Variants in CACNA2D3 observed in about 807,000 individuals in gnomAD.
CACNA2D3 encodes calcium voltage-gated channel auxiliary subunit alpha2delta 3.
In CACNA2D3, 60 loss-of-function variants were observed where a neutral mutation model predicts 160.6. That is an observed-to-expected ratio of 0.37 (90% CI 0.30 to 0.46). The LOEUF (loss-of-function observed/expected upper bound fraction) is 0.46, where lower values mean the gene tolerates loss of function less well. Among genes scored for constraint, CACNA2D3 ranks in the 20% least tolerant of loss-of-function variants. The probability of loss-of-function intolerance (pLI) is 1.00; values close to 1 mark genes in which losing one functional copy is unlikely to be tolerated. For missense variants in CACNA2D3, 1,205 were observed against 1,365.0 expected (o/e 0.88, Z 1.85); for synonymous variants, 558 against 492.9 (o/e 1.13, Z -1.75).
At chr3:54,966,482 A>G (rs1176482926) in intron 27 of CACNA2D3, among the ~76,000 whole-genome samples, 1 of 152,178 alleles carries the variant, frequency 6.6e-6, no homozygotes, top group Non-Finnish European at 1.5e-5. Context: ...TACTAAAGCC[A>G]TCCCCCACCT....
chr3:54,676,312 A>T (rs183766887), intron 11 of CACNA2D3, among the ~76,000 whole-genome samples: 2 of 152,250 alleles, frequency 1.3e-5, no homozygotes, highest in East Asian at 3.9e-4. Flanking sequence ...AACAGAGATG[A>T]TTGAAAGAAT....
At position 55,059,332 on chromosome 3, in the gene CACNA2D3, G is replaced by T. The variant is rs116095290; in HGVS notation, c.2988-14113G>T. On this transcript the variant is annotated intron_variant, in intron 35 of 37. Transcript: ENST00000474759. ...TGTAGGGACAGATTCTCTTTTCTCT[G>T]TTTACCAGAGAATCATTACATTACT... Among the ~76,000 whole-genome samples, 661 of 152,320 alleles carry T rather than the reference G, an allele frequency of 4.3e-3. 5 individuals are homozygous for T. The highest frequency in any genetic ancestry group is 0.014 in the African/African-American group (587 of 41,570).
chr3:55,062,280 C>CT (rs10693110), intron 35 of CACNA2D3, among the ~76,000 whole-genome samples: 44,472 of 139,800 alleles, frequency 0.32, 7,036 homozygotes, highest in African/African-American at 0.37. Flanking sequence ...TCATATCTGT[C>CT]TTTTTTTTTT....
chr3:54,218,032 G>A (rs1341456309), intron 2 of CACNA2D3, among the ~76,000 whole-genome samples: 1 of 152,016 alleles, frequency 6.6e-6, no homozygotes, highest in Non-Finnish European at 1.5e-5. Flanking sequence ...AGAGAGGTGT[G>A]TTAGAGAAAG....
intron 6 of CACNA2D3, among the ~76,000 whole-genome samples, chr3:54,563,518 C>T (rs529684559): frequency 6.6e-6 from 1 of 152,162 alleles, no homozygotes; most frequent in East Asian, 1.9e-4. Flanking sequence ...GTCCATCATG[C>T]CTTTGGAACA....
chr3:54,596,307 G>A (rs1284903823), intron 9 of CACNA2D3, among the ~76,000 whole-genome samples: 1 of 151,924 alleles, frequency 6.6e-6, no homozygotes, highest in East Asian at 1.9e-4. Flanking sequence ...GTTCCATTCC[G>A]CTGGTCCTGA....
chr3:54,167,156 A>G (rs976372201), intron 2 of CACNA2D3, among the ~76,000 whole-genome samples: 4 of 152,050 alleles, frequency 2.6e-5, no homozygotes, highest in Non-Finnish European at 5.9e-5. Context: ...TTATTGAGTT[A>G]TTGAGTTATT....
chr3:54,461,855 T>C (rs1575468496), intron 4 of CACNA2D3, among the ~76,000 whole-genome samples: 2 of 152,338 alleles, frequency 1.3e-5, no homozygotes, highest in East Asian at 3.9e-4. Flanking sequence ...TCTAGTTCTT[T>C]TAATTGTGAT....
At chr3:54,889,376 C>T (rs1008354695) in intron 24 of CACNA2D3, among the ~76,000 whole-genome samples, 16 of 152,144 alleles carry the variant, frequency 1.1e-4, no homozygotes, top group African/African-American at 3.1e-4. Flanking sequence ...ACAGTTTTCC[C>T]AGGGATTCAT....
chr3:54,836,889 G>T (rs1698702837), intron 14 of CACNA2D3, among the ~76,000 whole-genome samples: 1 of 152,198 alleles, frequency 6.6e-6, no homozygotes, highest in Non-Finnish European at 1.5e-5. Flanking sequence ...ATCCAAACAA[G>T]GTTCTCTTTG....
At chr3:55,054,165 A>T (rs984537222) in intron 35 of CACNA2D3, among the ~76,000 whole-genome samples, 1 of 151,866 alleles carries the variant, frequency 6.6e-6, no homozygotes, top group Non-Finnish European at 1.5e-5. Context: ...TTACCTTAGG[A>T]TAATATAATC....
intron 13 of CACNA2D3, among the ~76,000 whole-genome samples, chr3:54,800,342 T>G (rs1270806853): frequency 6.6e-6 from 1 of 152,198 alleles, no homozygotes; most frequent in Non-Finnish European, 1.5e-5. Flanking sequence ...TTGCCAAATT[T>G]CCATCTGGTT....
At chr3:54,284,338 C>G (rs907126567) in intron 2 of CACNA2D3, among the ~76,000 whole-genome samples, 40 of 151,142 alleles carry the variant, frequency 2.6e-4, no homozygotes, top group African/African-American at 9.2e-4. Flanking sequence ...AAGTTTTGTA[C>G]TGATGTTAAT....
At chr3:54,547,665 C>T (rs1702086012) in intron 5 of CACNA2D3, among the ~76,000 whole-genome samples, 1 of 140,476 alleles carries the variant, frequency 7.1e-6, no homozygotes, top group South Asian at 2.3e-4. Flanking sequence ...AAGAACCTCC[C>T]CCAACCCTTT....
rs763369594 is a variant in CACNA2D3 at position 54,752,621 on chromosome 3, T to C, written c.1190T>C (p.Ile397Thr). The change falls in exon 12 of 38, where the codon ATT becomes ACT. Residue 397 changes from isoleucine (I) to threonine (T), a missense_variant. By Grantham distance (89) the Ile-to-Thr change is moderately conservative. This residue lies in a region of CACNA2D3 where 911 missense variants were observed against 1,002.2 expected (regional missense o/e 0.91). Transcript: ENST00000474759. Reference sequence around the variant, plus strand: ...CAGGTTCGCATCTTCACATACCTCATTGGACGAGAGGCTGCGTTTGCAGAC... The same window carrying C: ...CAGGTTCGCATCTTCACATACCTCACTGGACGAGAGGCTGCGTTTGCAGAC... ...DRKVRIFTYL[I>T]GREAAFADNL... 1.3e-5 allele frequency: 21 copies of C among 1,613,526 alleles called. No individual in the cohort carries two copies. Among genetic ancestry groups the C allele is most frequent in the East Asian group, 2.2e-5 (1 of 44,810 alleles).
intron 3 of CACNA2D3, among the ~76,000 whole-genome samples, chr3:54,337,708 C>T (rs1015007407): frequency 2.6e-5 from 4 of 152,142 alleles, no homozygotes; most frequent in Non-Finnish European, 5.9e-5. Flanking sequence ...TTCCCTCCTC[C>T]TCCCCGTTAA....
At chr3:54,216,008 C>A (rs1034325189) in intron 2 of CACNA2D3, among the ~76,000 whole-genome samples, 3 of 151,964 alleles carry the variant, frequency 2.0e-5, no homozygotes, top group African/African-American at 7.3e-5. Context: ...AAATAAAAAC[C>A]CGTCAGTCCT....
intron 3 of CACNA2D3, among the ~76,000 whole-genome samples, chr3:54,370,275 G>A (rs564696229): frequency 1.2e-4 from 19 of 152,312 alleles, no homozygotes; most frequent in South Asian, 2.1e-4. Flanking sequence ...TTAGATGCCA[G>A]TAGTTGAATA....
chr3:54,156,180 C>G (rs1224570758), intron 2 of CACNA2D3, among the ~76,000 whole-genome samples: 1 of 152,134 alleles, frequency 6.6e-6, no homozygotes, highest in Non-Finnish European at 1.5e-5. Flanking sequence ...ATTTACAAGG[C>G]AAACCTGCGA....
Sources: gnomAD v4.1 joint callset for allele counts (sites outside exome capture counted in the v4.1 genomes callset) on GRCh38, gnomAD v4.1.1 for gene constraint, gnomAD v4.1.1 regional missense constraint, MANE v1.5 for transcripts, NCBI Gene and HGNC (gene_info 2026-07-23, HGNC 2026-07-21) for gene names.